Variants in ZC2HC1A observed in about 807,000 individuals in gnomAD.
The protein encoded by ZC2HC1A is zinc finger C2HC-type containing 1A, also known as zinc finger C2HC domain-containing protein 1A.
A neutral mutation model predicts 40.7 loss-of-function variants in ZC2HC1A; 28 were observed. The ratio of observed to expected loss-of-function variants is 0.69; its 90% CI spans 0.51 to 0.94. The LOEUF is 0.94. ZC2HC1A is among the 40% of genes least tolerant of loss of function. The pLI is 0.00. For synonymous variants in ZC2HC1A, 129 were observed against 129.2 expected (o/e 1.00, Z 0.01); for missense variants, 389 against 386.3 (o/e 1.01, Z -0.06).
chr8:78,692,453 T>G (rs557200720), intron 5 of ZC2HC1A, among the ~76,000 whole-genome samples: 1 of 152,352 alleles, frequency 6.6e-6, no homozygotes, highest in South Asian at 2.1e-4. Context: ...ATGGATCATG[T>G]TTTCTCTTTC....
chr8:78,717,319 C>CT lies in ZC2HC1A; in HGVS notation c.813-3dup, dbSNP rs1270167973. 3.8e-6 allele frequency: 6 copies of CT among 1,598,102 alleles called. No homozygotes were observed. The highest frequency in any genetic ancestry group is 1.4e-5 in the African/African-American group (1 of 73,834). ...ACTTTATCTTTTCATTGTTTCTTTA[C>CT]TTTTTTAGGCCAGATGGGGACTGTG... On this transcript the variant is annotated splice_polypyrimidine_tract_variant and intron_variant, in intron 8 of 8. Transcript: ENST00000263849.
chr8:78,697,288 C>A, intron 5 of ZC2HC1A, 119 bp from the exon 6 acceptor site: 1 of 770,568 alleles, frequency 1.3e-6, no homozygotes, highest in Non-Finnish European at 2.0e-6. Flanking sequence ...ATTTCCACAA[C>A]TCTTTTCATC....
At chr8:78,681,371 A>G (rs1219891761) in intron 3 of ZC2HC1A, among the ~76,000 whole-genome samples, 1 of 152,246 alleles carries the variant, frequency 6.6e-6, no homozygotes, top group Non-Finnish European at 1.5e-5. Flanking sequence ...GCAGAACATC[A>G]GTAGATGAGT....
intron 7 of ZC2HC1A, among the ~76,000 whole-genome samples, chr8:78,703,806 G>T (rs1470494866): frequency 6.6e-6 from 1 of 152,042 alleles, no homozygotes; most frequent in Non-Finnish European, 1.5e-5. Context: ...GATGTGTGTG[G>T]ATTTGATTGT....
chr8:78,698,524 A>G lies in ZC2HC1A; in HGVS notation c.704+11A>G, dbSNP rs1810505450. 4 of 1,556,588 alleles carry G rather than the reference A, an allele frequency of 2.6e-6. No homozygotes were observed. The South Asian group carries it at 3.5e-5, about 14-fold the overall frequency. The stretch of plus-strand genomic sequence containing the variant: ...AGCCCCTCATGCAGGGTAAGTCTAC[A>G]CTGGATATAATTATTAGTGGTATAT... On this transcript the variant is annotated intron_variant, in intron 7 of 8. Coordinates refer to ENST00000263849, the MANE Select transcript of ZC2HC1A (RefSeq NM_016010.3).
chr8:78,707,842 T>C (rs1810823776), intron 7 of ZC2HC1A, among the ~76,000 whole-genome samples: 2 of 118,490 alleles, frequency 1.7e-5, no homozygotes, highest in Non-Finnish European at 3.5e-5. Context: ...ACAGAGTTCC[T>C]TCCTTTTTTT....
At chr8:78,694,198 A>G (rs548735406) in intron 5 of ZC2HC1A, among the ~76,000 whole-genome samples, 1 of 150,828 alleles carries the variant, frequency 6.6e-6, no homozygotes, top group Non-Finnish European at 1.5e-5. Context: ...GTTGTCTGCT[A>G]TTTCTTTAAA....
intron 7 of ZC2HC1A, among the ~76,000 whole-genome samples, chr8:78,703,089 G>A (rs2130569516): frequency 6.6e-6 from 1 of 152,042 alleles, no homozygotes; most frequent in Admixed American, 6.6e-5. Flanking sequence ...TAGAGATAGG[G>A]TTTCCTCATG....
intron 1 of ZC2HC1A, among the ~76,000 whole-genome samples, chr8:78,666,490 A>G (rs1219897540): frequency 6.6e-6 from 1 of 152,134 alleles, no homozygotes; most frequent in Non-Finnish European, 1.5e-5. Flanking sequence ...TAGTGATCCC[A>G]GTCTCTGGCC....
At chr8:78,695,126 C>T (rs1006029245) in intron 5 of ZC2HC1A, among the ~76,000 whole-genome samples, 2 of 152,052 alleles carry the variant, frequency 1.3e-5, no homozygotes, top group East Asian at 3.8e-4. Context: ...TTTAAACAAG[C>T]AGTTTTCGGA....
Position 78,717,315 on chromosome 8 carries a change from T to C in ZC2HC1A, c.813-13T>C, listed in dbSNP as rs1811137473. ...ACAAACTTTATCTTTTCATTGTTTC[T>C]TTACTTTTTTAGGCCAGATGGGGAC... On this transcript the variant is annotated splice_polypyrimidine_tract_variant and intron_variant, in intron 8 of 8. Transcript: ENST00000263849. The C allele has an allele frequency of 6.3e-7, 1 of 1,599,218 alleles. No homozygotes were observed. The highest frequency in any genetic ancestry group is 1.4e-5 in the African/African-American group (1 of 73,958).
At chr8:78,691,623 T>G (rs1190961459) in intron 5 of ZC2HC1A, among the ~76,000 whole-genome samples, 14 of 152,208 alleles carry the variant, frequency 9.2e-5, no homozygotes, top group Admixed American at 2.0e-4. Flanking sequence ...TTTCTCCTTT[T>G]GTAATTTTTT....
chr8:78,675,082 T>C (rs1470748755), intron 1 of ZC2HC1A, among the ~76,000 whole-genome samples: 1 of 151,704 alleles, frequency 6.6e-6, no homozygotes, highest in Non-Finnish European at 1.5e-5. Flanking sequence ...TTTCTTTTTT[T>C]TTCTTTTTAG....
At chr8:78,671,118 A>C (rs1809427107) in intron 1 of ZC2HC1A, among the ~76,000 whole-genome samples, 2 of 152,222 alleles carry the variant, frequency 1.3e-5, no homozygotes. Context: ...GATTTCTTTG[A>C]AAATGTTCTC....
Position 78,717,625 on chromosome 8 carries a change from G to A in ZC2HC1A, c.*132G>A. ...TACCATTTCCAGTTAATTTTGAAGT[G>A]TAATCTTTTGGCTATATAATGTGTG... On this transcript the variant is annotated 3_prime_UTR_variant, in exon 9 of 9. Transcript: ENST00000263849. The A allele has an allele frequency of 3.9e-6, 4 of 1,019,344 alleles. No individual in the cohort carries two copies. Among genetic ancestry groups the A allele is most frequent in the South Asian group, 1.8e-5 (1 of 56,444 alleles). 63.1% of individuals were successfully genotyped at this position (1,019,344 alleles called of 1,614,324 possible). A position where few individuals can be genotyped will look rare whatever the true frequency, so the allele number is the denominator to read the frequency against.
At chr8:78,682,263 A>G (rs1233312801) in intron 3 of ZC2HC1A, among the ~76,000 whole-genome samples, 2 of 152,204 alleles carry the variant, frequency 1.3e-5, no homozygotes, top group South Asian at 2.1e-4. Context: ...GTGCCAGCCA[A>G]TACAGTTAGA....
chr8:78,702,874 C>T (rs1408556144), intron 7 of ZC2HC1A, among the ~76,000 whole-genome samples: 1 of 151,986 alleles, frequency 6.6e-6, no homozygotes, highest in Non-Finnish European at 1.5e-5. Flanking sequence ...TGTTTTACAT[C>T]CAATTATGTG....
chr8:78,717,652 A>G lies in ZC2HC1A; in HGVS notation c.*159A>G. The G allele has an allele frequency of 7.2e-6, 5 of 690,400 alleles. No individual in the cohort carries two copies. The highest frequency in any genetic ancestry group is 4.2e-4 in the Middle Eastern group (1 of 2,398). The allele number at this position is 690,400 out of a possible 1,614,324, so 42.8% of individuals were successfully genotyped here. ...AATCTTTTGGCTATATAATGTGTGT[A>G]TGTTTATATGTGTACATATACTGTA... is the stretch of plus-strand genomic sequence containing the variant. On this transcript the variant is annotated 3_prime_UTR_variant, in exon 9 of 9. Transcript: ENST00000263849.
intron 4 of ZC2HC1A, among the ~76,000 whole-genome samples, chr8:78,687,953 T>G (rs1810077448): frequency 6.9e-6 from 1 of 144,136 alleles, no homozygotes; most frequent in Non-Finnish European, 1.5e-5. Context: ...ATATAAACTA[T>G]ATCTATATTT....
Sources: allele counts gnomAD v4.1 joint callset (sites outside exome capture counted in the v4.1 genomes callset), GRCh38; gene constraint gnomAD v4.1.1; transcripts MANE v1.5; gene names NCBI Gene and HGNC (gene_info 2026-07-23, HGNC 2026-07-21).